Variants in TNFRSF10B observed in about 807,000 individuals in gnomAD.
TNFRSF10B encodes the protein tumor necrosis factor receptor superfamily member 10B.
TNFRSF10B carries 35 observed loss-of-function variants against 41.4 expected under a neutral mutation model. The ratio of observed to expected loss-of-function variants is 0.85; its 90% confidence interval spans 0.65 to 1.12. The LOEUF is 1.12. Ranked by LOEUF, TNFRSF10B falls within the 50% of genes most tolerant of loss-of-function variation. TNFRSF10B has a pLI of 0.00. For missense variants in TNFRSF10B, 584 were observed against 552.7 expected, an observed-to-expected ratio of 1.06 and a Z score of -0.57; for synonymous variants, 230 against 215.5, an observed-to-expected ratio of 1.07 and a Z score of -0.59.
intron 1 of TNFRSF10B, among the ~76,000 whole-genome samples, chr8:23,054,335 G>C (rs545298851): frequency 2.0e-5 from 3 of 152,256 alleles, no homozygotes; most frequent in South Asian, 2.1e-4. Flanking sequence ...GCTTTTCAGA[G>C]GCAAGGAAAC....
chr8:23,067,447 A>AG (rs1311022529), intron 1 of TNFRSF10B, among the ~76,000 whole-genome samples: 1 of 151,006 alleles, frequency 6.6e-6, no homozygotes, highest in Non-Finnish European at 1.5e-5. Context: ...TATAGAGATA[A>AG]AAAAAAAACC....
rs373901211 is a variant in TNFRSF10B, at chr8:23,068,954, T to G, written c.-60A>C. 5 of 1,611,808 alleles carry G rather than the reference T, an allele frequency of 3.1e-6. No homozygotes were observed. Among genetic ancestry groups the G allele is most frequent in the East Asian group, 4.5e-5 (2 of 44,868 alleles). On this transcript the variant is annotated 5_prime_UTR_variant, in exon 1 of 9. Coordinates refer to ENST00000276431, the MANE Select transcript of TNFRSF10B (RefSeq NM_003842.5). ...CGTGGGTTTCAGCCCTTAAAGTAGA[T>G]CGGGCATCGTCGGTGTATTTTGTGG...
At chr8:23,029,518 C>T (rs560863379) in intron 4 of TNFRSF10B, 92 bp downstream of exon 4, 12 of 1,270,232 alleles carry the variant, frequency 9.4e-6, no homozygotes, top group South Asian at 6.3e-5. Context: ...ATGCCCCTTG[C>T]GGGTGCTGTC....
At chr8:23,024,408 G>A (rs1811639941) in intron 7 of TNFRSF10B, 148 bp from the exon 8 acceptor site, 2 of 819,634 alleles carry the variant, frequency 2.4e-6, no homozygotes, top group African/African-American at 3.4e-5. Context: ...AGGAGACAAA[G>A]GGGCAAGACT....
In TNFRSF10B at chr8:23,068,780, CA is replaced by C; in HGVS notation, c.114del (p.Val39CysfsTer17). On this transcript the variant is annotated frameshift_variant, in exon 1 of 9. Transcript: ENST00000276431. LOFTEE classifies it high-confidence loss of function. The stretch of plus-strand genomic sequence containing the variant: ...AGCAGGACCGCGGCGACAACGAGCA[CA>C]AGGGTCTTGGGGACCCGGGGCCCAG... ...ARPGPRVPKT[L>X]VLVVAAVLLL... The C allele has an allele frequency of 6.2e-7, 1 of 1,604,552 alleles. No individual in the cohort carries two copies. The highest frequency in any genetic ancestry group is 8.5e-7 in the Non-Finnish European group (1 of 1,175,864).
intron 2 of TNFRSF10B, among the ~76,000 whole-genome samples, chr8:23,040,298 T>TAC (rs1181041758): frequency 4.8e-5 from 2 of 41,718 alleles, no homozygotes; most frequent in African/African-American, 9.7e-5. Context: ...ATTAAATATA[T>TAC]ATAATATATA....
rs141278808 is a variant in TNFRSF10B at position 23,026,011 on chromosome 8, G to T, written c.936+1122C>A. ...GGATGACATGAGCCCAGGAGGCAGGGGTTGCAATGAGCCAAGATGGTGCCA... is the reference window on the plus strand; with the variant it reads ...GGATGACATGAGCCCAGGAGGCAGGTGTTGCAATGAGCCAAGATGGTGCCA... On this transcript the variant is annotated intron_variant, in intron 7 of 8. Coordinates refer to ENST00000276431, the MANE Select transcript of TNFRSF10B (RefSeq NM_003842.5). Among the ~76,000 whole-genome samples, 707 of 152,272 alleles carry T rather than the reference G, an allele frequency of 4.6e-3. 9 individuals carry two copies. The highest frequency in any genetic ancestry group is 0.016 in the African/African-American group (670 of 41,544).
chr8:23,030,401 C>T (rs1487872897), intron 3 of TNFRSF10B, among the ~76,000 whole-genome samples: 2 of 152,172 alleles, frequency 1.3e-5, no homozygotes, highest in African/African-American at 4.8e-5. Flanking sequence ...CAACCTCGGC[C>T]TCCTGGGCTC....
At chr8:23,033,389 C>CCTGG (rs1811934526) in intron 2 of TNFRSF10B, among the ~76,000 whole-genome samples, 1 of 151,832 alleles carries the variant, frequency 6.6e-6, no homozygotes, top group Admixed American at 6.6e-5. Context: ...TCGAGACCAT[C>CCTGG]CTGGCTAACA....
At position 23,068,981 on chromosome 8, in the gene TNFRSF10B, C is replaced by G. The variant is rs1813091839; in HGVS notation, c.-87G>C. On this transcript the variant is annotated 5_prime_UTR_variant, in exon 1 of 9. Coordinates refer to ENST00000276431, the MANE Select transcript of TNFRSF10B (RefSeq NM_003842.5). ...GGGCATCGTCGGTGTATTTTGTGGG[C>G]GCAGAGATTGCGGGGTTCTCCGGCC... The G allele has an allele frequency of 6.2e-7, 1 of 1,604,794 alleles. No individual in the cohort carries two copies. The highest frequency in any genetic ancestry group is 1.1e-5 in the South Asian group (1 of 90,474).
In TNFRSF10B at chr8:23,022,312, C is replaced by T. The variant is rs757096469; in HGVS notation, c.*359G>A. The T allele has an allele frequency of 4.3e-6, 2 of 461,028 alleles. No individual in the cohort carries two copies. Among genetic ancestry groups the T allele is most frequent in the East Asian group, 6.8e-5 (1 of 14,784 alleles). The allele number at this position is 461,028 out of a possible 1,614,324, so 28.6% of individuals were successfully genotyped here. The stretch of plus-strand genomic sequence containing the variant: ...TATAGTATCAAGTGAAGTCGGACAA[C>T]GACTGTGTAGATGGATCTTACAATG... On this transcript the variant is annotated 3_prime_UTR_variant, in exon 9 of 9. Transcript: ENST00000276431.
At chr8:23,031,543 A>G (rs1811883976) in intron 2 of TNFRSF10B, among the ~76,000 whole-genome samples, 1 of 151,772 alleles carries the variant, frequency 6.6e-6, no homozygotes, top group Non-Finnish European at 1.5e-5. Context: ...GCACACCACC[A>G]CACCGGGTTA....
intron 2 of TNFRSF10B, 104 bp downstream of exon 2, chr8:23,043,034 C>A: frequency 1.8e-6 from 2 of 1,087,954 alleles, no homozygotes; most frequent in Non-Finnish European, 2.7e-6. Context: ...GCACCCAATG[C>A]CTCTCTGTGG....
At chr8:23,049,354 T>G (rs550550403) in intron 1 of TNFRSF10B, among the ~76,000 whole-genome samples, 1 of 152,030 alleles carries the variant, frequency 6.6e-6, no homozygotes, top group Admixed American at 6.6e-5. Flanking sequence ...CAAGGACTCA[T>G]TTAGGATTAA....
At chr8:23,028,267 G>A (rs1044449008) in intron 5 of TNFRSF10B, 64 bp downstream of exon 5, 2 of 1,609,636 alleles carry the variant, frequency 1.2e-6, no homozygotes, top group African/African-American at 2.7e-5. Context: ...TCTGTCTGTG[G>A]GAATAGGGTG....
rs765576431 is a variant in TNFRSF10B, at chr8:23,028,495, T to A, written c.584A>T (p.Glu195Val). The A allele has an allele frequency of 6.5e-5, 105 of 1,614,024 alleles. No individual in the cohort carries two copies. Among genetic ancestry groups the A allele is most frequent in the Non-Finnish European group, 8.5e-7 (1 of 1,180,004 alleles). The change falls in exon 5 of 9, where the codon GAG (glutamate) becomes GTG (valine). Residue 195 changes from glutamate to valine, a missense_variant. Coordinates refer to ENST00000276431, the MANE Select transcript of TNFRSF10B (RefSeq NM_003842.5). ...TKHSGEVPAVEETVTSSPGTP... is the reference protein window; with the variant it reads ...TKHSGEVPAVVETVTSSPGTP... ...CCCTGGGCTGGAGGTCACCGTCTCC[T>A]CCACAGCTGGGACTTCCCCACTGTG...
At chr8:23,063,610 C>T (rs1003148277) in intron 1 of TNFRSF10B, among the ~76,000 whole-genome samples, 3 of 152,168 alleles carry the variant, frequency 2.0e-5, no homozygotes, top group East Asian at 1.9e-4. Flanking sequence ...ATTGCATCAC[C>T]GGCCTGCGTT....
Position 23,068,965 on chromosome 8 carries a change from C to A in TNFRSF10B, c.-71G>T, listed in dbSNP as rs1415905039. 1.2e-6 allele frequency: 2 copies of A among 1,611,120 alleles called. No homozygotes were observed. The highest frequency in any genetic ancestry group is 3.3e-5 in the Admixed American group (2 of 59,948). Reference sequence around the variant, plus strand: ...GCCCTTAAAGTAGATCGGGCATCGTCGGTGTATTTTGTGGGCGCAGAGATT... The same window carrying A: ...GCCCTTAAAGTAGATCGGGCATCGTAGGTGTATTTTGTGGGCGCAGAGATT... On this transcript the variant is annotated 5_prime_UTR_variant, in exon 1 of 9. Coordinates refer to ENST00000276431, the MANE Select transcript of TNFRSF10B (RefSeq NM_003842.5).
At chr8:23,060,435 A>C (rs1273808519) in intron 1 of TNFRSF10B, among the ~76,000 whole-genome samples, 2 of 152,180 alleles carry the variant, frequency 1.3e-5, no homozygotes, top group Non-Finnish European at 2.9e-5. Flanking sequence ...TCCTTGTGAA[A>C]AATAATTTGG....
Sources: gnomAD v4.1 joint callset for allele counts (sites outside exome capture counted in the v4.1 genomes callset) on GRCh38, gnomAD v4.1.1 for gene constraint, MANE v1.5 for transcripts, NCBI Gene and HGNC (gene_info 2026-07-23, HGNC 2026-07-21) for gene names.